The following ADCY2 variants were observed in gnomAD, a reference collection of about 807,000 sequenced individuals.
ADCY2 encodes adenylate cyclase type 2.
Under a neutral mutation model 125.2 loss-of-function variants are expected in ADCY2, and 31 were observed. That is an observed-to-expected ratio of 0.25 (90% CI 0.19 to 0.33). The LOEUF (loss-of-function observed/expected upper bound fraction) is 0.33. ADCY2 is among the 10% of genes least tolerant of loss of function. The pLI, the probability that ADCY2 is intolerant of heterozygous loss-of-function variation, is 1.00. For missense variants in ADCY2, 904 were observed against 1,418.2 expected (o/e 0.64, Z 5.82); for synonymous variants, 512 against 548.4 (o/e 0.93, Z 0.93).
At chr5:7,568,845 C>T (rs1416179724) in intron 3 of ADCY2, among the ~76,000 whole-genome samples, 2 of 152,132 alleles carry the variant, frequency 1.3e-5, no homozygotes, top group Non-Finnish European at 2.9e-5. Context: ...ATGTGAAGTA[C>T]ATTTTTTTTC....
At chr5:7,443,199 G>A (rs960221971) in intron 2 of ADCY2, among the ~76,000 whole-genome samples, 3 of 152,118 alleles carry the variant, frequency 2.0e-5, no homozygotes, top group Non-Finnish European at 2.9e-5. Flanking sequence ...AACTAGAAAC[G>A]AAGTGTTTTT....
chr5:7,617,855 G>T (rs971844867), intron 3 of ADCY2, among the ~76,000 whole-genome samples: 1 of 152,170 alleles, frequency 6.6e-6, no homozygotes, highest in Non-Finnish European at 1.5e-5. Flanking sequence ...CAGTGGCCAG[G>T]CATGCTCTTT....
chr5:7,645,669 T>A (rs1738870477), intron 4 of ADCY2, among the ~76,000 whole-genome samples: 1 of 152,160 alleles, frequency 6.6e-6, no homozygotes, highest in South Asian at 2.1e-4. Context: ...AGACATTTGT[T>A]TATGTTGAAA....
At chr5:7,577,188 C>A (rs1736277651) in intron 3 of ADCY2, among the ~76,000 whole-genome samples, 2 of 152,030 alleles carry the variant, frequency 1.3e-5, no homozygotes, top group South Asian at 4.1e-4. Context: ...TTAAAGTATT[C>A]CAGGGTGGAC....
rs888991967 is a variant in ADCY2, at chr5:7,757,595, C to A, written c.2094+9C>A. On this transcript the variant is annotated intron_variant, in intron 16 of 24. Coordinates refer to ENST00000338316, the MANE Select transcript of ADCY2 (RefSeq NM_020546.3). ...TGGCCGTGTTCAACATGGTAAGTCC[C>A]AGAGCACGGCCGTGTTCAACATGGT... is the stretch of plus-strand genomic sequence containing the variant. 3.9e-6 allele frequency: 6 copies of A among 1,554,512 alleles called. No homozygotes were observed. Among genetic ancestry groups the A allele is most frequent in the Non-Finnish European group, 5.3e-6 (6 of 1,138,764 alleles).
chr5:7,773,312 G>A, intron 18 of ADCY2, among the ~76,000 whole-genome samples: 1 of 152,252 alleles, frequency 6.6e-6, no homozygotes, highest in East Asian at 1.9e-4. Context: ...CATAGAAGAT[G>A]TGAAGTGGTT....
chr5:7,697,035 G>C (rs960292030), intron 6 of ADCY2, among the ~76,000 whole-genome samples: 39 of 151,650 alleles, frequency 2.6e-4, no homozygotes, highest in African/African-American at 9.2e-4. Context: ...TCTTGGCTGG[G>C]AACAGCATAA....
intron 4 of ADCY2, among the ~76,000 whole-genome samples, chr5:7,666,324 A>G (rs1218867985): frequency 6.6e-6 from 1 of 151,830 alleles, no homozygotes; most frequent in Non-Finnish European, 1.5e-5. Context: ...GCTGGAGTGC[A>G]GTGGCGCGAT....
chr5:7,825,138 C>G (rs1234163949), intron 24 of ADCY2, among the ~76,000 whole-genome samples: 3 of 144,090 alleles, frequency 2.1e-5, no homozygotes, highest in Non-Finnish European at 4.5e-5. Context: ...ACTGCTGTGT[C>G]CCATAATAAC....
chr5:7,425,875 C>T (rs1486435556), intron 2 of ADCY2, among the ~76,000 whole-genome samples: 1 of 152,150 alleles, frequency 6.6e-6, no homozygotes, highest in Non-Finnish European at 1.5e-5. Context: ...CCCATTGGAA[C>T]TGTAATTTTC....
chr5:7,806,973 C>T lies in ADCY2; in HGVS notation c.2883+2281C>T, dbSNP rs547303640. On this transcript the variant is annotated intron_variant, in intron 22 of 24. Transcript: ENST00000338316. ...AGGTGAGTGCCTCACTTACCTCACC[C>T]TCATCCAGTTATGACTTGGAGGCTT... Among the ~76,000 whole-genome samples, 3 of 152,330 alleles carry T rather than the reference C, an allele frequency of 2.0e-5. No homozygotes were observed. In the South Asian group the frequency reaches 6.2e-4, roughly 32 times the overall value.
intron 16 of ADCY2, among the ~76,000 whole-genome samples, chr5:7,760,141 T>A (rs558132940): frequency 6.6e-6 from 1 of 152,354 alleles, no homozygotes; most frequent in East Asian, 1.9e-4. Flanking sequence ...GGAAGGAACC[T>A]GGACAGAGAG....
chr5:7,766,955 A>G, intron 17 of ADCY2, 149 bp downstream of exon 17: 1 of 1,069,554 alleles, frequency 9.3e-7, no homozygotes, highest in Non-Finnish European at 1.3e-6. Flanking sequence ...TACAAATGTC[A>G]GCCTCTGCTA....
chr5:7,749,656 A>G (rs1742739380), intron 15 of ADCY2: 1 of 152,186 alleles, frequency 6.6e-6, no homozygotes, highest in African/African-American at 2.4e-5. Context: ...CCAACCCCCA[A>G]AACACCTTTA....
rs1457306851 is a variant in ADCY2, at chr5:7,595,114, T to C, written c.571-31053T>C. On this transcript the variant is annotated intron_variant, in intron 3 of 24. Coordinates refer to ENST00000338316, the MANE Select transcript of ADCY2 (RefSeq NM_020546.3). Reference sequence around the variant, plus strand: ...AGTGGTTTTGTTCATTAGCTAATTATAATTATTCCCTTATAATGACCACGT... The same window carrying C: ...AGTGGTTTTGTTCATTAGCTAATTACAATTATTCCCTTATAATGACCACGT... Among the ~76,000 whole-genome samples, 4 of 152,222 alleles carry C rather than the reference T, an allele frequency of 2.6e-5. No homozygotes were observed. The East Asian group carries it at 7.7e-4, about 29-fold the overall frequency.
intron 15 of ADCY2, among the ~76,000 whole-genome samples, chr5:7,752,666 A>G (rs1366143538): frequency 6.6e-6 from 1 of 151,496 alleles, no homozygotes; most frequent in Non-Finnish European, 1.5e-5. Context: ...AGAGACTACC[A>G]GTTGTTTCCA....
At chr5:7,547,731 G>A (rs1579561044) in intron 3 of ADCY2, among the ~76,000 whole-genome samples, 3 of 152,294 alleles carry the variant, frequency 2.0e-5, no homozygotes, top group African/African-American at 7.2e-5. Context: ...GTCAGCAGGG[G>A]CTGACCTGCT....
intron 3 of ADCY2, among the ~76,000 whole-genome samples, chr5:7,598,230 G>A (rs1449479932): frequency 3.9e-5 from 6 of 152,152 alleles, no homozygotes; most frequent in African/African-American, 1.4e-4. Context: ...AAAGGGAAAG[G>A]TGGGAGTGGG....
intron 2 of ADCY2, among the ~76,000 whole-genome samples, chr5:7,453,993 A>G (rs191144639): frequency 9.6e-4 from 146 of 152,290 alleles, no homozygotes; most frequent in Middle Eastern, 6.8e-3. Flanking sequence ...GGTTTTTTCT[A>G]TCTACAGGGA....
Sources: gnomAD v4.1 joint callset for allele counts (sites outside exome capture counted in the v4.1 genomes callset) on GRCh38, gnomAD v4.1.1 for gene constraint, MANE v1.5 for transcripts, NCBI Gene and HGNC (gene_info 2026-07-23, HGNC 2026-07-21) for gene names.